Variants in FOXP2 observed in about 807,000 individuals in gnomAD.
FOXP2 encodes the protein forkhead box protein P2.
In FOXP2, 12 loss-of-function variants were observed where a neutral mutation model predicts 115.8. The observed-to-expected ratio is 0.10, with a 90% CI of 0.07 to 0.17. The LOEUF is 0.17. Among genes scored for constraint, FOXP2 ranks in the 10% least tolerant of loss-of-function variants. FOXP2 has a pLI of 1.00. For missense variants in FOXP2, 629 were observed against 843.5 expected, an observed-to-expected ratio of 0.75 and a Z score of 3.15; for synonymous variants, 328 against 297.7, an observed-to-expected ratio of 1.10 and a Z score of -1.05.
intron 2 of FOXP2, among the ~76,000 whole-genome samples, chr7:114,342,468 A>G (rs1011285429): frequency 6.6e-6 from 1 of 151,440 alleles, no homozygotes; most frequent in East Asian, 1.9e-4. Context: ...TTACATTTAT[A>G]AACATATTTA....
chr7:114,123,005 A>G (rs1459818928), intron 1 of FOXP2, among the ~76,000 whole-genome samples: 3 of 152,000 alleles, frequency 2.0e-5, no homozygotes, highest in Non-Finnish European at 4.4e-5. Flanking sequence ...GGTGAAGTAT[A>G]GCTTGCAATC....
intron 1 of FOXP2, among the ~76,000 whole-genome samples, chr7:114,230,725 C>T (rs1052811838): frequency 2.0e-5 from 3 of 151,850 alleles, no homozygotes; most frequent in African/African-American, 4.8e-5. Context: ...ATTACCTCAA[C>T]ATAAGAAAGG....
chr7:114,162,771 G>A (rs768082651), upstream of FOXP2, among the ~76,000 whole-genome samples: 29 of 151,870 alleles, frequency 1.9e-4, no homozygotes, highest in Non-Finnish European at 4.0e-4. Context: ...TTTTAGTGGT[G>A]TTAATTTAAA....
intron 1 of FOXP2, among the ~76,000 whole-genome samples, chr7:114,188,300 T>C (rs776921): frequency 0.86 from 131,517 of 152,118 alleles, 57,260 homozygotes; most frequent in Non-Finnish European, 0.92. Context: ...GTTTTTCTTC[T>C]TCATCTATTG....
chr7:114,571,212 G>A (rs1187777407), intron 3 of FOXP2, among the ~76,000 whole-genome samples: 1 of 151,798 alleles, frequency 6.6e-6, no homozygotes, highest in Admixed American at 6.6e-5. Flanking sequence ...AAATAAATGG[G>A]CATAGATAAT....
chr7:114,256,494 G>A (rs1488148552), intron 1 of FOXP2, among the ~76,000 whole-genome samples: 1 of 152,134 alleles, frequency 6.6e-6, no homozygotes, highest in Non-Finnish European at 1.5e-5. Context: ...CTGCAAAAAT[G>A]TCTTCTTTTG....
intron 2 of FOXP2, among the ~76,000 whole-genome samples, chr7:114,326,085 G>A (rs1026563847): frequency 6.6e-6 from 1 of 152,106 alleles, no homozygotes; most frequent in Non-Finnish European, 1.5e-5. Context: ...TTTGTCGTTA[G>A]AATTAGTTCA....
At chr7:114,414,187 T>C (rs1448506087), upstream of FOXP2, 1 of 152,114 alleles carries the variant, frequency 6.6e-6, no homozygotes, top group Admixed American at 6.6e-5. Flanking sequence ...GCTTATGGGG[T>C]CCACACAAAC....
chr7:114,165,420 G>A (rs1216588306), intron 1 of FOXP2, among the ~76,000 whole-genome samples: 2 of 152,164 alleles, frequency 1.3e-5, no homozygotes, highest in African/African-American at 4.8e-5. Context: ...AAACTAATGA[G>A]TGATTAGTGT....
chr7:114,393,398 C>T (rs1792656642), intron 2 of FOXP2, among the ~76,000 whole-genome samples: 1 of 151,862 alleles, frequency 6.6e-6, no homozygotes, highest in African/African-American at 2.4e-5. Context: ...TGACCCAGAA[C>T]AATGTGTCAG....
At chr7:114,324,431 T>C (rs1281240865) in intron 2 of FOXP2, among the ~76,000 whole-genome samples, 3 of 151,864 alleles carry the variant, frequency 2.0e-5, no homozygotes, top group Non-Finnish European at 4.4e-5. Flanking sequence ...TTTCTCACTT[T>C]TACTTCTTCA....
At chr7:114,462,704 T>C (rs193033021) in intron 2 of FOXP2, among the ~76,000 whole-genome samples, 6 of 152,122 alleles carry the variant, frequency 3.9e-5, no homozygotes, top group African/African-American at 9.7e-5. Flanking sequence ...TCATAGTCTT[T>C]GAGCTGATAT....
At chr7:114,678,073 C>T (rs566165003) in intron 16 of FOXP2, among the ~76,000 whole-genome samples, 2 of 152,048 alleles carry the variant, frequency 1.3e-5, no homozygotes, top group African/African-American at 2.4e-5. Flanking sequence ...CGTGGGGAAT[C>T]GGAAAAGACT....
At chr7:114,241,749 T>TC (rs1233090113) in intron 1 of FOXP2, among the ~76,000 whole-genome samples, 2 of 151,334 alleles carry the variant, frequency 1.3e-5, no homozygotes. Flanking sequence ...GCCACGTATT[T>TC]TTTTTTTATT....
chr7:114,582,329 AT>A (rs1406363732), intron 3 of FOXP2, among the ~76,000 whole-genome samples: 15 of 152,286 alleles, frequency 9.8e-5, no homozygotes, highest in African/African-American at 3.6e-4. Context: ...CTACCATTAT[AT>A]CCTTCTCCCG....
intron 1 of FOXP2, among the ~76,000 whole-genome samples, chr7:114,223,507 T>A (rs1011230805): frequency 6.8e-6 from 1 of 147,516 alleles, no homozygotes; most frequent in African/African-American, 2.5e-5. Context: ...ATATTATATA[T>A]AATATATATA....
Position 114,618,407 on chromosome 7 carries a change from A to G in FOXP2, c.259-10133A>G, listed in dbSNP as rs1804063002. ...AGACTAAGACACAAAGAATCTTATG[A>G]GCAAGAGTTGGAATCCTAACACTTG... On this transcript the variant is annotated intron_variant, in intron 3 of 16. Coordinates refer to ENST00000350908, the MANE Select transcript of FOXP2 (RefSeq NM_014491.4). Among the ~76,000 whole-genome samples the G allele has an allele frequency of 2.6e-5, 4 of 152,208 alleles. No individual in the cohort carries two copies. The South Asian group carries it at 8.3e-4, about 32-fold the overall frequency.
chr7:114,569,804 T>C (rs1001931577), intron 3 of FOXP2, among the ~76,000 whole-genome samples: 1 of 151,932 alleles, frequency 6.6e-6, no homozygotes, highest in Non-Finnish European at 1.5e-5. Flanking sequence ...ACAATCCATT[T>C]CTTAAACATA....
chr7:114,640,528 C>T (rs1370903492), intron 6 of FOXP2, among the ~76,000 whole-genome samples: 1 of 152,150 alleles, frequency 6.6e-6, no homozygotes, highest in East Asian at 1.9e-4. Flanking sequence ...AGTGAGAATT[C>T]TTCTGTTCCT....
Sources: allele counts gnomAD v4.1 joint callset (sites outside exome capture counted in the v4.1 genomes callset), GRCh38; gene constraint gnomAD v4.1.1; transcripts MANE v1.5; gene names NCBI Gene and HGNC (gene_info 2026-07-23, HGNC 2026-07-21).